AMPD1: variants seen among roughly 807,000 people sequenced by gnomAD.
AMPD1 encodes the protein AMP deaminase 1.
In AMPD1, 74 loss-of-function variants were observed where a neutral mutation model predicts 82.9. That is an observed-to-expected ratio of 0.89 (90% confidence interval 0.74 to 1.08). AMPD1 has a LOEUF of 1.08. Among genes scored for constraint, AMPD1 ranks in the 50% least tolerant of loss-of-function variants. The pLI is 0.00. For synonymous variants in AMPD1, 333 were observed against 320.5 expected, an observed-to-expected ratio of 1.04 and a Z score of -0.42; for missense variants, 881 against 924.5, an observed-to-expected ratio of 0.95 and a Z score of 0.61.
At chr1:114,680,615 T>C in intron 5 of AMPD1, 137 bp from the exon 6 acceptor site, 1 of 733,786 alleles carries the variant, frequency 1.4e-6, no homozygotes, top group Non-Finnish European at 2.3e-6. Flanking sequence ...GGAATTAAGC[T>C]AACCTTTATT....
Position 114,675,562 on chromosome 1 carries a change from A to G in AMPD1, c.1647T>C (p.Tyr549=). 1.2e-6 allele frequency: 2 copies of G among 1,614,176 alleles called. No individual in the cohort carries two copies. Among genetic ancestry groups the G allele is most frequent in the South Asian group, 1.1e-5 (1 of 91,088 alleles). ...PSYTYYAYYM[Y]ANIMVLNSLR... ...GGCTGTTGAGCACCATGATGTTTGC[A>G]TACATGTAGTAGGCATAGTAAGTGT... Residue 549 remains tyrosine (Y), a synonymous_variant, in exon 12 of 16, where the codon TAT becomes TAC. Coordinates refer to ENST00000520113, the MANE Select transcript of AMPD1 (RefSeq NM_000036.3).
In AMPD1 at chr1:114,680,430, TTGTC is replaced by T. The variant is rs1267336650; in HGVS notation, c.592_595del (p.Asp198ThrfsTer12). The T allele has an allele frequency of 2.5e-6, 4 of 1,614,134 alleles. No homozygotes were observed. The Admixed American group carries it at 6.7e-5, about 27-fold the overall frequency. ...GTGATAGCCCAGGTTTTCAGGAAGG[TTGTC>T]TGTTCGGAAGGGGTCCTCTCCCTTC... On this transcript the variant is annotated frameshift_variant, in exon 6 of 16. Coordinates refer to ENST00000520113, the MANE Select transcript of AMPD1 (RefSeq NM_000036.3). LOFTEE classifies it high-confidence loss of function.
rs766052325 is a variant in AMPD1 at position 114,680,275 on chromosome 1, T to G, written c.751A>C (p.Ile251Leu). Reference sequence around the variant, plus strand: ...AACACTTACACAGGTCCTTGAGCAATTAAAGCAAGTAAAAAATTCATATCG... The same window carrying G: ...AACACTTACACAGGTCCTTGAGCAAGTAAAGCAAGTAAAAAATTCATATCG... ...LDDMNFLLAL[I>L]AQGPVKTYTH... The change falls in exon 6 of 16, where the codon ATT becomes CTT. Residue 251 changes from isoleucine to leucine, a missense_variant. Physicochemically the swap from Ile to Leu is conservative, Grantham distance 5. Around this residue, in one of 2 missense-constraint regions of AMPD1, gnomAD observed 783 missense variants for 786.4 expected, o/e 1.00. Coordinates refer to ENST00000520113, the MANE Select transcript of AMPD1 (RefSeq NM_000036.3). The G allele has an allele frequency of 3.1e-6, 5 of 1,613,782 alleles. No homozygotes were observed. The Admixed American group carries it at 5.0e-5, about 16-fold the overall frequency.
chr1:114,677,837 C>CCTTCCTTCCTTCCTTT lies in AMPD1; in HGVS notation c.1224+72_1224+73insAAAGGAAGGAAGGAAG, dbSNP rs1557969561. 19 of 1,284,734 alleles carry CCTTCCTTCCTTCCTTT rather than the reference C, an allele frequency of 1.5e-5. No individual in the cohort carries two copies. The African/African-American group carries it at 3.0e-4, about 20-fold the overall frequency. The allele number at this position is 1,284,734 out of a possible 1,614,324, so 79.6% of individuals were successfully genotyped here. The stretch of plus-strand genomic sequence containing the variant: ...TCCTTCCTTCCTTCCTTCCTTCCTT[C>CCTTCCTTCCTTCCTTT]CTTCCTTCCTTCCTTCTTCCCTTTC... On this transcript the variant is annotated intron_variant, in intron 9 of 15. Coordinates refer to ENST00000520113, the MANE Select transcript of AMPD1 (RefSeq NM_000036.3).
In AMPD1 at chr1:114,674,074, C is replaced by G; in HGVS notation, c.1809G>C (p.Val603=). 1 of 1,613,608 alleles carries G rather than the reference C, an allele frequency of 6.2e-7. No individual in the cohort carries two copies. Among genetic ancestry groups the G allele is most frequent in the Non-Finnish European group, 8.5e-7 (1 of 1,179,642 alleles). Residue 603 remains valine, a synonymous_variant, in exon 14 of 16, where the codon GTG becomes GTC. Transcript: ENST00000520113. ...GGGCTAAGAAAAACAAGTACTGTAG[C>G]ACGGGACTCTGAAAAAGAAAAGTAA... ...SHGLNLKKSP[V]LQYLFFLAQI...
rs1658389473 is a variant in AMPD1 at position 114,688,597 on chromosome 1, T to G, written c.179A>C (p.His60Pro). 1 of 1,614,032 alleles carries G rather than the reference T, an allele frequency of 6.2e-7. No individual in the cohort carries two copies. The highest frequency in any genetic ancestry group is 8.5e-7 in the Non-Finnish European group (1 of 1,180,038). Residue 60 changes from histidine (H) to proline (P), a missense_variant, in exon 3 of 16, where the codon CAT becomes CCT. This residue lies in a region of AMPD1 where 783 missense variants were observed against 786.4 expected (regional missense o/e 1.00). Coordinates refer to ENST00000520113, the MANE Select transcript of AMPD1 (RefSeq NM_000036.3). ...TGTGGAGGTGGACAGAGTCTCCAGA[T>G]GGAATATGTGTGCTTGCATCTCATG... ...SHHEMQAHIF[H>P]LETLSTSTEA... is the part of the protein sequence containing the mutation.
rs368656142 is a variant in AMPD1, at chr1:114,684,246, C to T, written c.500G>A (p.Arg167Gln). Residue 167 changes from arginine (R) to glutamine (Q), a missense_variant, in exon 5 of 16, where the codon CGG becomes CAG. Transcript: ENST00000520113. ...TACCCAAGCCTCACCATCAATGTTC[C>T]GCAAGTATTTGGAAGGGGTTTTAGG... ...RFPKTPSKYL[R>Q]NIDGEAWVAN... The T allele has an allele frequency of 2.1e-5, 34 of 1,613,906 alleles. 1 individual carries two copies. The highest frequency in any genetic ancestry group is 1.5e-4 in the Admixed American group (9 of 59,974).
intron 2 of AMPD1, among the ~76,000 whole-genome samples, chr1:114,690,621 T>TA (rs1658485166): frequency 6.6e-6 from 1 of 152,216 alleles, no homozygotes; most frequent in African/African-American, 2.4e-5. Context: ...CTTTGGATGC[T>TA]ATAAGTAGTT....
intron 5 of AMPD1, among the ~76,000 whole-genome samples, chr1:114,681,241 T>C (rs1157159647): frequency 3.3e-5 from 5 of 152,144 alleles, no homozygotes; most frequent in African/African-American, 9.7e-5. Context: ...TTTAGAGTGT[T>C]TTTTGAAATA....
chr1:114,693,393 T>G (rs1199900935), intron 2 of AMPD1, 43 bp downstream of exon 2: 2 of 1,589,066 alleles, frequency 1.3e-6, no homozygotes, highest in African/African-American at 2.7e-5. Flanking sequence ...TTTTTTTAAA[T>G]TGATACTCTG....
chr1:114,676,820 TGAAA>T (rs200844805), intron 10 of AMPD1, among the ~76,000 whole-genome samples: 2,085 of 152,118 alleles, frequency 0.014, 21 homozygotes, highest in Non-Finnish European at 0.021. Flanking sequence ...CTGAACAAAC[TGAAA>T]GAGAAGCCAT....
chr1:114,678,198 A>T, intron 8 of AMPD1, 135 bp downstream of exon 8: 1 of 1,462,198 alleles, frequency 6.8e-7, no homozygotes, highest in South Asian at 1.2e-5. Context: ...CAAACTTCAA[A>T]ATTGTCTGTG....
Position 114,674,095 on chromosome 1 carries a change from AG to A in AMPD1, c.1801-14del, listed in dbSNP as rs748230667. 6.2e-7 allele frequency: 1 copy of A among 1,611,198 alleles called. No individual in the cohort carries two copies. Among genetic ancestry groups the A allele is most frequent in the African/African-American group, 1.3e-5 (1 of 74,946 alleles). On this transcript the variant is annotated splice_polypyrimidine_tract_variant and intron_variant, in intron 13 of 15. Coordinates refer to ENST00000520113, the MANE Select transcript of AMPD1 (RefSeq NM_000036.3). The stretch of plus-strand genomic sequence containing the variant: ...GTAGCACGGGACTCTGAAAAAGAAA[AG>A]TAAAAAAATATTTAAAGATGTTGAA...
Position 114,679,659 on chromosome 1 carries a change from C to T in AMPD1, c.817G>A (p.Val273Ile), listed in dbSNP as rs371819369. Residue 273 changes from valine to isoleucine, a missense_variant, in exon 7 of 16, where the codon GTC becomes ATC. By Grantham distance (29) the Val-to-Ile change is conservative. Transcript: ENST00000520113. ...TCCATCTCGTTAAGCATCTGATGGA[C>T]CTGGAACTTGGAGGAGAGGAACTTC... ...RLKFLSSKFQ[V>I]HQMLNEMDEL... 1 of 1,613,756 alleles carries T rather than the reference C, an allele frequency of 6.2e-7. No individual in the cohort carries two copies. Among genetic ancestry groups the T allele is most frequent in the East Asian group, 2.2e-5 (1 of 44,864 alleles).
chr1:114,693,933 G>T (rs1315218132), intron 1 of AMPD1, among the ~76,000 whole-genome samples: 1 of 152,188 alleles, frequency 6.6e-6, no homozygotes, highest in African/African-American at 2.4e-5. Flanking sequence ...CGGGTGCAGT[G>T]GCTCACGCCT....
chr1:114,673,761 T>G lies in AMPD1; in HGVS notation c.1975-12A>C. ...TCCATTAGGGGCTCCTGCAGTTATA[T>G]TAAATGAGGAAAAAAGAGGAGTGAA... On this transcript the variant is annotated splice_polypyrimidine_tract_variant and intron_variant, in intron 14 of 15. Coordinates refer to ENST00000520113, the MANE Select transcript of AMPD1 (RefSeq NM_000036.3). 2 of 1,603,424 alleles carry G rather than the reference T, an allele frequency of 1.2e-6. No individual in the cohort carries two copies. Among genetic ancestry groups the G allele is most frequent in the South Asian group, 1.1e-5 (1 of 90,868 alleles).
chr1:114,680,740 G>A (rs1046172620), intron 5 of AMPD1, among the ~76,000 whole-genome samples: 1 of 152,170 alleles, frequency 6.6e-6, no homozygotes, highest in Non-Finnish European at 1.5e-5. Flanking sequence ...GCCAAGGCAG[G>A]CAGATCACCT....
At position 114,686,880 on chromosome 1, in the gene AMPD1, A is replaced by T; in HGVS notation, c.246T>A (p.Val82=). 1 of 1,614,260 alleles carries T rather than the reference A, an allele frequency of 6.2e-7. No homozygotes were observed. The highest frequency in any genetic ancestry group is 8.5e-7 in the Non-Finnish European group (1 of 1,180,044). ...RKKRFQGRKT[V]NLSIPLSETS... ...TTTCACTTAGTGGAATGGACAAATT[A>T]ACAGTCTTCCGTCCTTGGAAACGCT... Residue 82 remains valine, a synonymous_variant, in exon 4 of 16, where the codon GTT becomes GTA. Coordinates refer to ENST00000520113, the MANE Select transcript of AMPD1 (RefSeq NM_000036.3).
chr1:114,677,246 A>G, intron 10 of AMPD1, 105 bp downstream of exon 10: 2 of 1,499,358 alleles, frequency 1.3e-6, no homozygotes, highest in African/African-American at 2.8e-5. Context: ...GTTTTAACAA[A>G]GCTGATTTAT....
Sources: allele counts gnomAD v4.1 joint callset (sites outside exome capture counted in the v4.1 genomes callset), GRCh38; gene constraint gnomAD v4.1.1; regional missense constraint gnomAD v4.1.1; transcripts MANE v1.5; gene names NCBI Gene and HGNC (gene_info 2026-07-23, HGNC 2026-07-21).